CDH12: variants seen among roughly 807,000 people sequenced by gnomAD.
CDH12 encodes the protein cadherin 12.
In CDH12, 41 loss-of-function variants were observed where a neutral mutation model predicts 74.1. The observed-to-expected ratio is 0.55, with a 90% CI of 0.43 to 0.72. The LOEUF (loss-of-function observed/expected upper bound fraction) is 0.72, where lower values mean the gene tolerates loss of function less well. CDH12 is among the 30% of genes least tolerant of loss of function. The pLI is 0.00. For synonymous variants in CDH12, 399 were observed against 355.0 expected (o/e 1.12, Z -1.39); for missense variants, 945 against 977.2 (o/e 0.97, Z 0.44).
At chr5:22,261,815 T>C (rs1373278448) in intron 3 of CDH12, among the ~76,000 whole-genome samples, 1 of 151,712 alleles carries the variant, frequency 6.6e-6, no homozygotes, top group African/African-American at 2.4e-5. Flanking sequence ...TACATGGCTT[T>C]TCTCCAAGAA....
chr5:22,564,082 C>G (rs1739183371), intron 1 of CDH12, among the ~76,000 whole-genome samples: 1 of 152,158 alleles, frequency 6.6e-6, no homozygotes, highest in Non-Finnish European at 1.5e-5. Context: ...TCCGTTTATT[C>G]TAACTGCCAA....
intron 1 of CDH12, among the ~76,000 whole-genome samples, chr5:22,762,287 T>C (rs1046060198): frequency 6.6e-6 from 1 of 152,078 alleles, no homozygotes; most frequent in Non-Finnish European, 1.5e-5. Context: ...ATAATAATTA[T>C]AGGAGTAATC....
rs1373875474 is a variant in CDH12, at chr5:22,532,368, T to TATGTATATGTATGTATACATATAC, written c.-522-27005_-522-27004insGTATATGTATACATACATATACAT. ...TAAATAGGATATATATATATATATA[T>TATGTATATGTATGTATACATATAC]ATATATATATGTATGTATCCTATTT... On this transcript the variant is annotated intron_variant, in intron 1 of 14. Coordinates refer to ENST00000382254, the MANE Select transcript of CDH12 (RefSeq NM_004061.5). Among the ~76,000 whole-genome samples the TATGTATATGTATGTATACATATAC allele has an allele frequency of 1.7e-3, 146 of 86,984 alleles. 12 individuals are homozygous for TATGTATATGTATGTATACATATAC. The highest frequency in any genetic ancestry group is 5.9e-3 in the African/African-American group (141 of 23,782). The allele number at this position is 86,984 out of a possible 152,430, so 57.1% of individuals were successfully genotyped here.
intron 4 of CDH12, among the ~76,000 whole-genome samples, chr5:22,207,385 A>G (rs1751279841): frequency 1.3e-5 from 2 of 152,144 alleles, no homozygotes; most frequent in Non-Finnish European, 2.9e-5. Context: ...AGGCTCTACA[A>G]TCTTTTTCTG....
chr5:22,054,073 A>G (rs971503683), intron 5 of CDH12, among the ~76,000 whole-genome samples: 1 of 152,054 alleles, frequency 6.6e-6, no homozygotes, highest in Non-Finnish European at 1.5e-5. Flanking sequence ...CTCATGTCCT[A>G]TGATGATGTA....
At chr5:22,498,460 G>A (rs906210397) in intron 2 of CDH12, among the ~76,000 whole-genome samples, 1 of 151,874 alleles carries the variant, frequency 6.6e-6, no homozygotes, top group Non-Finnish European at 1.5e-5. Context: ...ATTAATCCAC[G>A]AGTCTATAAT....
chr5:21,939,598 T>C (rs1755240135), intron 6 of CDH12, among the ~76,000 whole-genome samples: 1 of 152,042 alleles, frequency 6.6e-6, no homozygotes, highest in Admixed American at 6.6e-5. Flanking sequence ...ATTATTTAGG[T>C]ACTAATTAAA....
intron 4 of CDH12, among the ~76,000 whole-genome samples, chr5:22,188,459 A>G (rs1267806938): frequency 2.0e-5 from 3 of 152,090 alleles, no homozygotes; most frequent in African/African-American, 4.8e-5. Flanking sequence ...AGCAACACAA[A>G]ACAGACAGAG....
chr5:22,834,187 C>T (rs1736728721), intron 1 of CDH12, among the ~76,000 whole-genome samples: 2 of 152,152 alleles, frequency 1.3e-5, no homozygotes. Flanking sequence ...AGTACCACTT[C>T]TGCTGTGCCA....
intron 3 of CDH12, among the ~76,000 whole-genome samples, chr5:22,404,935 C>G (rs1419403072): frequency 6.6e-6 from 1 of 152,162 alleles, no homozygotes; most frequent in Non-Finnish European, 1.5e-5. Context: ...ATCAACTGGG[C>G]ACAGTGGCTC....
intron 2 of CDH12, among the ~76,000 whole-genome samples, chr5:22,466,424 A>G (rs969532841): frequency 6.6e-6 from 1 of 152,180 alleles, no homozygotes; most frequent in African/African-American, 2.4e-5. Context: ...AAAGAGCAAA[A>G]AAGGTGAGTA....
At chr5:22,440,574 T>A (rs1199286001) in intron 2 of CDH12, among the ~76,000 whole-genome samples, 2 of 152,088 alleles carry the variant, frequency 1.3e-5, no homozygotes, top group African/African-American at 2.4e-5. Flanking sequence ...GGAGAAAAAC[T>A]CAAGGTGTCA....
At chr5:22,069,938 C>G (rs1741829672) in intron 5 of CDH12, among the ~76,000 whole-genome samples, 1 of 152,102 alleles carries the variant, frequency 6.6e-6, no homozygotes, top group African/African-American at 2.4e-5. Flanking sequence ...AGAGCCACTA[C>G]CAGCTGAGTT....
intron 5 of CDH12, among the ~76,000 whole-genome samples, chr5:22,033,779 G>A (rs141687255): frequency 2.0e-4 from 31 of 152,192 alleles, no homozygotes; most frequent in Non-Finnish European, 4.0e-4. Context: ...AAAGTGGGAC[G>A]AACCCTGTAA....
intron 13 of CDH12, 36 bp from the exon 14 acceptor site, chr5:21,755,878 A>G (rs771532497): frequency 6.2e-7 from 1 of 1,605,554 alleles, no homozygotes; most frequent in South Asian, 1.1e-5. Flanking sequence ...CATGGTTACT[A>G]TAAGCTTCAC....
chr5:22,725,058 C>T (rs559446400), intron 1 of CDH12, among the ~76,000 whole-genome samples: 1 of 151,842 alleles, frequency 6.6e-6, no homozygotes, highest in Admixed American at 6.6e-5. Flanking sequence ...CTTTATGCAT[C>T]AACTTTCATG....
At chr5:22,175,993 C>G (rs1749314696) in intron 4 of CDH12, among the ~76,000 whole-genome samples, 1 of 151,904 alleles carries the variant, frequency 6.6e-6, no homozygotes, top group African/African-American at 2.4e-5. Context: ...GGGCTGGTAT[C>G]TCCTTCCCGG....
chr5:22,036,518 G>A (rs1739199456), intron 5 of CDH12, among the ~76,000 whole-genome samples: 1 of 152,144 alleles, frequency 6.6e-6, no homozygotes, highest in African/African-American at 2.4e-5. Flanking sequence ...ATGGAAATCT[G>A]TCATTGGGCT....
chr5:21,952,106 T>C (rs900908610), intron 6 of CDH12, among the ~76,000 whole-genome samples: 1 of 152,188 alleles, frequency 6.6e-6, no homozygotes, highest in East Asian at 1.9e-4. Flanking sequence ...ATCTGGAAGA[T>C]GAGGGTACTA....
Sources: allele counts gnomAD v4.1 joint callset (sites outside exome capture counted in the v4.1 genomes callset), GRCh38; gene constraint gnomAD v4.1.1; transcripts MANE v1.5; gene names NCBI Gene and HGNC (gene_info 2026-07-23, HGNC 2026-07-21).